Variants in VAC14 observed in about 807,000 individuals in gnomAD.
VAC14 encodes VAC14 component of PIKFYVE complex, also known as protein VAC14 homolog.
A neutral mutation model predicts 85.3 loss-of-function variants in VAC14; 47 were observed. The ratio of observed to expected loss-of-function variants is 0.55; its 90% CI spans 0.44 to 0.70. The LOEUF (loss-of-function observed/expected upper bound fraction) is 0.70. VAC14 is among the 30% of genes least tolerant of loss of function. The pLI is 0.00. For missense variants in VAC14, 861 were observed against 1,004.3 expected, an observed-to-expected ratio of 0.86 and a Z score of 1.93; for synonymous variants, 447 against 430.5, an observed-to-expected ratio of 1.04 and a Z score of -0.47.
rs773245636 is a variant in VAC14, at chr16:70,762,584, G to A, written c.1327C>T (p.Leu443Phe). Reference protein sequence around the residue: ...PRKMFRHTDSLFPILLQTLSD... With the variant: ...PRKMFRHTDSFFPILLQTLSD... ...AACGTCTGCAGTAGGATGGGAAAGA[G>A]GCTGTCCGTGTGCCGGAACATCTGG... Residue 443 changes from leucine (L) to phenylalanine (F), a missense_variant, in exon 12 of 19, where the codon CTC becomes TTC. Around this residue, in one of 3 missense-constraint regions of VAC14, gnomAD observed 629 missense variants for 703.1 expected, o/e 0.89. Transcript: ENST00000261776. This position sits in a 1 kb window ranked among gnomAD's most constrained non-coding sequence, Gnocchi z 4.1. 10 of 1,614,062 alleles carry A rather than the reference G, an allele frequency of 6.2e-6. No homozygotes were observed. The East Asian group carries it at 2.2e-4, about 36-fold the overall frequency.
chr16:70,689,877 A>G, intron 18 of VAC14: 1 of 985,490 alleles, frequency 1.0e-6, no homozygotes, highest in Non-Finnish European at 1.2e-6. Flanking sequence ...ACTTCTAAGG[A>G]GGCCAAGGGC....
At chr16:70,749,172 C>T (rs2031172613) in intron 12 of VAC14, among the ~76,000 whole-genome samples, 1 of 152,158 alleles carries the variant, frequency 6.6e-6, no homozygotes, top group African/African-American at 2.4e-5. Flanking sequence ...TTTCTGGTCC[C>T]ACAGCTGAGC....
Position 70,731,329 on chromosome 16 carries a change from A to G in VAC14, c.1661+166T>C, listed in dbSNP as rs1302132029. 5.5e-6 allele frequency: 8 copies of G among 1,465,148 alleles called. No homozygotes were observed. The Admixed American group carries it at 1.9e-4, about 35-fold the overall frequency. The allele number at this position is 1,465,148 out of a possible 1,614,324, so 90.8% of individuals were successfully genotyped here. A position where few individuals can be genotyped will look rare whatever the true frequency, so the allele number is the denominator to read the frequency against. On this transcript the variant is annotated intron_variant, in intron 14 of 18. Coordinates refer to ENST00000261776, the MANE Select transcript of VAC14 (RefSeq NM_018052.5). Reference sequence around the variant, plus strand: ...TCTGTTTCATGTCAGAAGCATCAGCAACCAGTATGAAGGGGCAACCTTCTT... The same window carrying G: ...TCTGTTTCATGTCAGAAGCATCAGCGACCAGTATGAAGGGGCAACCTTCTT...
intron 12 of VAC14, among the ~76,000 whole-genome samples, chr16:70,752,907 A>G (rs575940401): frequency 2.6e-4 from 39 of 152,280 alleles, no homozygotes; most frequent in Non-Finnish European, 4.9e-4. Flanking sequence ...CCCAGCTAAC[A>G]GGCCACGATG....
intron 14 of VAC14, chr16:70,714,976 C>G (rs1056539768): frequency 6.6e-5 from 10 of 152,364 alleles, no homozygotes; most frequent in Admixed American, 5.2e-4. Flanking sequence ...CCAGCCACCT[C>G]AGGCACAGCC....
intron 6 of VAC14, 73 bp downstream of exon 6, chr16:70,783,372 T>A (rs2033902218): frequency 6.7e-7 from 1 of 1,486,628 alleles, no homozygotes; most frequent in Non-Finnish European, 9.4e-7. Flanking sequence ...GCGGCCTCTC[T>A]GTGGGCATGA....
Position 70,796,990 on chromosome 16 carries a change from G to A in VAC14, c.104+3807C>T, listed in dbSNP as rs112504862. Among the ~76,000 whole-genome samples the A allele has an allele frequency of 5.9e-5, 9 of 152,298 alleles. 1 individual carries two copies. The highest frequency in any genetic ancestry group is 2.2e-4 in the African/African-American group (9 of 41,558). On this transcript the variant is annotated intron_variant, in intron 1 of 18. Coordinates refer to ENST00000261776, the MANE Select transcript of VAC14 (RefSeq NM_018052.5). ...TGCCTGTAATCCCAGCACTTTGGGA[G>A]GCTGCAGTGGGAGGATTGTTTCAGC...
chr16:70,709,396 C>T (rs560861242), intron 14 of VAC14, among the ~76,000 whole-genome samples: 1 of 152,300 alleles, frequency 6.6e-6, no homozygotes, highest in South Asian at 2.1e-4. Context: ...CTGGTGTGGA[C>T]TGGAGCGAGT....
At chr16:70,774,492 AG>A (rs1295181430) in intron 9 of VAC14, among the ~76,000 whole-genome samples, 11 of 152,144 alleles carry the variant, frequency 7.2e-5, no homozygotes, top group Non-Finnish European at 1.6e-4. Context: ...CTCCCCTGTA[AG>A]GTTACTGTTT....
chr16:70,772,039 T>C, intron 10 of VAC14, 70 bp downstream of exon 10: 1 of 1,453,596 alleles, frequency 6.9e-7, no homozygotes, highest in Non-Finnish European at 9.6e-7. Flanking sequence ...ATTGCTGTAG[T>C]CTCCCGCATC....
Position 70,744,455 on chromosome 16 carries a change from G to T in VAC14, c.1496C>A (p.Thr499Asn), listed in dbSNP as rs2030670057. ...QASHSELQVP[T>N]PGRAGLLNTS... ...GTTCAGTAGGCCGGCTCTGCCAGGG[G>T]TGGGCACCTGGAGCTCTGAGTGGCT... The change falls in exon 13 of 19, where the codon ACC becomes AAC. Residue 499 changes from threonine to asparagine, a missense_variant. This residue lies in a region of VAC14 where 629 missense variants were observed against 703.1 expected (regional missense o/e 0.89). Transcript: ENST00000261776. The T allele has an allele frequency of 1.2e-6, 2 of 1,614,084 alleles. No homozygotes were observed. Among genetic ancestry groups the T allele is most frequent in the Non-Finnish European group, 1.7e-6 (2 of 1,180,024 alleles).
At chr16:70,712,320 G>A (rs979575504) in intron 14 of VAC14, among the ~76,000 whole-genome samples, 3 of 152,130 alleles carry the variant, frequency 2.0e-5, no homozygotes, top group East Asian at 1.9e-4. Flanking sequence ...CAGAACTTGC[G>A]CTGGTGGGCA....
At chr16:70,688,530 G>T in intron 18 of VAC14, 1 of 986,696 alleles carries the variant, frequency 1.0e-6, no homozygotes, top group Non-Finnish European at 1.2e-6. Context: ...GGGAAAATGG[G>T]AATTGCTGAA....
At chr16:70,782,698 A>G (rs2033870981) in intron 7 of VAC14, among the ~76,000 whole-genome samples, 1 of 152,246 alleles carries the variant, frequency 6.6e-6, no homozygotes, top group Non-Finnish European at 1.5e-5. Flanking sequence ...TACTCAGCAG[A>G]AGTGAACAGA....
Position 70,741,397 on chromosome 16 carries a change from GC to G in VAC14, c.1528+3025del, listed in dbSNP as rs1288976437. Among the ~76,000 whole-genome samples, 173 of 152,242 alleles carry G rather than the reference GC, an allele frequency of 1.1e-3. 1 individual carries two copies. Among genetic ancestry groups the G allele is most frequent in the African/African-American group, 4.0e-3 (165 of 41,464 alleles). ...CTCCCGGGGCAGCGGAGGTGGGGGG[GC>G]GGGGAAGCAGGGCACACTCTGGCTC... On this transcript the variant is annotated intron_variant, in intron 13 of 18. Coordinates refer to ENST00000261776, the MANE Select transcript of VAC14 (RefSeq NM_018052.5).
At chr16:70,791,930 T>A (rs573574532) in intron 1 of VAC14, among the ~76,000 whole-genome samples, 5 of 152,204 alleles carry the variant, frequency 3.3e-5, no homozygotes, top group Admixed American at 2.6e-4. Context: ...CAATACTGCA[T>A]TTGGACGGTC....
Position 70,785,706 on chromosome 16 carries a change from C to G in VAC14, c.419G>C (p.Ser140Thr), listed in dbSNP as rs1159790352. Residue 140 changes from serine (S) to threonine (T), a missense_variant, in exon 3 of 19, where the codon AGC (serine) becomes ACC (threonine). By Grantham distance (58) the Ser-to-Thr change is moderately conservative. This residue lies in a region of VAC14 where 629 missense variants were observed against 703.1 expected (regional missense o/e 0.89). Transcript: ENST00000261776. ...PHFNVLFDGL[S>T]KLAADPDPNV... ...GAGGAGGAGGAGGGCGGTTACCTTG[C>G]TCAGCCCGTCAAAGAGCACGTTGAA... The G allele has an allele frequency of 6.4e-7, 1 of 1,557,058 alleles. No individual in the cohort carries two copies. Among genetic ancestry groups the G allele is most frequent in the South Asian group, 1.2e-5 (1 of 84,356 alleles).
chr16:70,721,753 C>T (rs11075781), intron 14 of VAC14, among the ~76,000 whole-genome samples: 70,927 of 151,960 alleles, frequency 0.47, 17,299 homozygotes, highest in African/African-American at 0.59. Flanking sequence ...CCTCCAGCTG[C>T]GGATTGCGGG....
intron 14 of VAC14, among the ~76,000 whole-genome samples, chr16:70,722,430 C>T (rs936443075): frequency 5.9e-5 from 9 of 152,344 alleles, no homozygotes; most frequent in East Asian, 5.8e-4. Context: ...TTTCACAAAC[C>T]GCATGCAGCA....
Sources: allele counts gnomAD v4.1 joint callset (sites outside exome capture counted in the v4.1 genomes callset), GRCh38; gene constraint gnomAD v4.1.1; regional missense constraint gnomAD v4.1.1; non-coding constraint Gnocchi (gnomAD v3.1); transcripts MANE v1.5; gene names NCBI Gene and HGNC (gene_info 2026-07-23, HGNC 2026-07-21).